GPC3: variants seen among roughly 807,000 people sequenced by gnomAD.
GPC3 encodes the protein glypican-3.
Under a neutral mutation model 34.4 loss-of-function variants are expected in GPC3, and 3 were observed. That is an observed-to-expected ratio of 0.09 (90% CI 0.04 to 0.23). The LOEUF is 0.23. GPC3 is among the 10% of genes least tolerant of loss of function. The probability of loss-of-function intolerance (pLI) is 1.00; values close to 1 mark genes in which losing one functional copy is unlikely to be tolerated. For synonymous variants in GPC3, 177 were observed against 174.0 expected (o/e 1.02, Z -0.13); for missense variants, 351 against 445.6 (o/e 0.79, Z 1.91).
intron 2 of GPC3, among the ~76,000 whole-genome samples, chrX:133,759,127 CTT>C (rs909075764): frequency 2.7e-5 from 3 of 111,713 alleles, no homozygotes; most frequent in African/African-American, 9.7e-5. Context: ...TAAAAAATAT[CTT>C]AATAAATGAA....
At chrX:133,609,899 GC>G (rs1485922628) in intron 6 of GPC3, among the ~76,000 whole-genome samples, 3 of 112,237 alleles carry the variant, frequency 2.7e-5, no homozygotes, top group African/African-American at 9.7e-5. Flanking sequence ...CCTTGGGGTA[GC>G]ATAGCTTGGG....
chrX:133,763,391 C>T, intron 2 of GPC3: 1 of 540,003 alleles, frequency 1.9e-6, no homozygotes, highest in Non-Finnish European at 3.4e-6. Context: ...GAGGTCATGC[C>T]TGATCTCTAC....
chrX:133,609,839 G>A (rs746650439), intron 6 of GPC3, among the ~76,000 whole-genome samples: 2 of 112,056 alleles, frequency 1.8e-5, no homozygotes, highest in South Asian at 3.7e-4. Flanking sequence ...CATTCACATC[G>A]ACCTTTCATC....
intron 2 of GPC3, among the ~76,000 whole-genome samples, chrX:133,863,598 C>T (rs2075949253): frequency 9.9e-6 from 1 of 100,843 alleles, no homozygotes; most frequent in Admixed American, 1.0e-4. Flanking sequence ...CCACCACCAA[C>T]ATCAACACAC....
intron 2 of GPC3, among the ~76,000 whole-genome samples, chrX:133,873,936 T>C (rs1005035399): frequency 1.8e-5 from 2 of 111,390 alleles, no homozygotes; most frequent in Admixed American, 1.9e-4. Flanking sequence ...GCTTATTGAA[T>C]GGGAACAATT....
At chrX:133,869,560 G>C (rs951384077) in intron 2 of GPC3, among the ~76,000 whole-genome samples, 2 of 111,985 alleles carry the variant, frequency 1.8e-5, no homozygotes, top group African/African-American at 6.5e-5. Context: ...TTTCAAGCTT[G>C]AGTGGCATAG....
intron 3 of GPC3, among the ~76,000 whole-genome samples, chrX:133,712,971 C>A (rs752007634): frequency 6.2e-5 from 7 of 112,094 alleles, no homozygotes; most frequent in Non-Finnish European, 1.3e-4. Context: ...AGAAATCATG[C>A]CACTCTCCAA....
chrX:133,603,144 TAAAA>T (rs373788600), intron 6 of GPC3, among the ~76,000 whole-genome samples: 2 of 91,289 alleles, frequency 2.2e-5, no homozygotes, highest in South Asian at 5.1e-4. Flanking sequence ...AGGCAAAAGT[TAAAA>T]AAAAAAAAAA....
chrX:133,699,947 C>T lies in GPC3; in HGVS notation c.1114G>A (p.Val372Ile), dbSNP rs140756498. 59 of 1,197,481 alleles carry T rather than the reference C, an allele frequency of 4.9e-5. No individual in the cohort carries two copies. Among genetic ancestry groups the T allele is most frequent in the Non-Finnish European group, 6.3e-5 (56 of 884,349 alleles). ...YPEDLFIDKK[V>I]LKVAHVEHEE... The stretch of plus-strand genomic sequence containing the variant: ...TGTTCTACATGAGCAACTTTTAATA[C>T]TTTCTTGTCAATAAAGAGATCTTCA... The change falls in exon 4 of 8, where the codon GTA (valine) becomes ATA (isoleucine). Residue 372 changes from valine to isoleucine, a missense_variant. By Grantham distance (29) the Val-to-Ile change is conservative. Coordinates refer to ENST00000370818, the MANE Select transcript of GPC3 (RefSeq NM_004484.4).
intron 3 of GPC3, among the ~76,000 whole-genome samples, chrX:133,723,290 G>A (rs1443661573): frequency 8.9e-6 from 1 of 111,810 alleles, no homozygotes; most frequent in Non-Finnish European, 1.9e-5. Flanking sequence ...TCTACAGGTA[G>A]GGAACTGAGG....
intron 6 of GPC3, among the ~76,000 whole-genome samples, chrX:133,602,612 T>A (rs2069995866): frequency 8.9e-6 from 1 of 111,778 alleles, no homozygotes; most frequent in Non-Finnish European, 1.9e-5. Context: ...GGACCACTGT[T>A]CTATACTACT....
At chrX:133,751,074 AAAAT>A (rs60283835) in intron 3 of GPC3, among the ~76,000 whole-genome samples, 8,302 of 88,524 alleles carry the variant, frequency 0.094, 535 homozygotes, top group East Asian at 0.27. Flanking sequence ...CTCTGTCTCA[AAAAT>A]AAATAAATAA....
intron 2 of GPC3, among the ~76,000 whole-genome samples, chrX:133,774,594 A>C (rs1271653930): frequency 9.0e-6 from 1 of 111,642 alleles, no homozygotes; most frequent in Non-Finnish European, 1.9e-5. Context: ...GGGTATTATA[A>C]ATAAAATATT....
chrX:133,945,563 C>T (rs1441816115), intron 2 of GPC3, among the ~76,000 whole-genome samples: 1 of 109,871 alleles, frequency 9.1e-6, no homozygotes, highest in East Asian at 2.9e-4. Flanking sequence ...TAATCTCTTC[C>T]AACCCCACAC....
At chrX:133,823,280 C>CA (rs1028306441) in intron 2 of GPC3, among the ~76,000 whole-genome samples, 4 of 103,693 alleles carry the variant, frequency 3.9e-5, no homozygotes, top group Non-Finnish European at 7.8e-5. Flanking sequence ...AAAGTGATGA[C>CA]AAAAAAAACT....
At chrX:133,701,699 A>G (rs2071169298) in intron 3 of GPC3, among the ~76,000 whole-genome samples, 2 of 112,299 alleles carry the variant, frequency 1.8e-5, no homozygotes, top group South Asian at 3.7e-4. Flanking sequence ...AGAATCTTCT[A>G]TTATCAGCCT....
At chrX:133,956,486 C>T (rs1251246578) in intron 1 of GPC3, among the ~76,000 whole-genome samples, 3 of 112,025 alleles carry the variant, frequency 2.7e-5, no homozygotes, top group Admixed American at 9.5e-5. Context: ...GGTTGGGACA[C>T]ATATGTAGAC....
intron 3 of GPC3, among the ~76,000 whole-genome samples, chrX:133,738,913 GA>G (rs2071537023): frequency 8.9e-6 from 1 of 111,771 alleles, no homozygotes; most frequent in Non-Finnish European, 1.9e-5. Flanking sequence ...AGAAGCAGAG[GA>G]CTACAGCCAT....
chrX:133,912,068 A>G (rs1311654265), intron 2 of GPC3, among the ~76,000 whole-genome samples: 1 of 112,622 alleles, frequency 8.9e-6, no homozygotes, highest in Non-Finnish European at 1.9e-5. Flanking sequence ...ATCAGCTGTG[A>G]ATAAGTGTTC....
Sources: gnomAD v4.1 joint callset for allele counts (sites outside exome capture counted in the v4.1 genomes callset) on GRCh38, gnomAD v4.1.1 for gene constraint, MANE v1.5 for transcripts, NCBI Gene and HGNC (gene_info 2026-07-23, HGNC 2026-07-21) for gene names.